HMGXB3: variants seen among roughly 807,000 people sequenced by gnomAD.
HMGXB3 encodes the protein HMG-box containing 3.
HMGXB3 carries 45 observed loss-of-function variants against 121.5 expected under a neutral mutation model. The observed-to-expected ratio is 0.37, with a 90% CI of 0.29 to 0.47. The LOEUF is 0.47. HMGXB3 is among the 20% of genes least tolerant of loss of function. The probability of loss-of-function intolerance (pLI) is 0.99; values close to 1 mark genes in which losing one functional copy is unlikely to be tolerated. For missense variants in HMGXB3, 1,376 were observed against 1,602.2 expected, an observed-to-expected ratio of 0.86 and a Z score of 2.41; for synonymous variants, 590 against 624.1, an observed-to-expected ratio of 0.95 and a Z score of 0.81.
At chr5:150,023,512 C>T (rs1176051727) in intron 6 of HMGXB3, among the ~76,000 whole-genome samples, 2 of 152,130 alleles carry the variant, frequency 1.3e-5, no homozygotes, top group African/African-American at 4.8e-5. Flanking sequence ...TGAAGACAAC[C>T]ACTATTTAAA....
intron 3 of HMGXB3, among the ~76,000 whole-genome samples, chr5:150,008,054 TTCACAC>T (rs1353379053): frequency 1.9e-5 from 2 of 108,038 alleles, no homozygotes; most frequent in African/African-American, 3.7e-5. Context: ...GAGACTCTGT[TTCACAC>T]ACACACACAC....
intron 19 of HMGXB3, among the ~76,000 whole-genome samples, 163 bp downstream of exon 19, chr5:150,050,624 G>A (rs1756868095): frequency 6.6e-6 from 1 of 152,196 alleles, no homozygotes; most frequent in African/African-American, 2.4e-5. Flanking sequence ...TGGGATTACA[G>A]GCACACACCA....
chr5:150,011,159 AC>A (rs1018438077), intron 4 of HMGXB3, among the ~76,000 whole-genome samples: 3 of 152,168 alleles, frequency 2.0e-5, no homozygotes, highest in Non-Finnish European at 4.4e-5. Context: ...CAAGACCTGT[AC>A]CCAGGTCTTC....
chr5:150,038,065 G>A (rs1033864994), intron 13 of HMGXB3, among the ~76,000 whole-genome samples: 8 of 152,156 alleles, frequency 5.3e-5, no homozygotes, highest in Non-Finnish European at 8.8e-5. Flanking sequence ...TTACACTTTT[G>A]TGATTCAGTC....
intron 4 of HMGXB3, among the ~76,000 whole-genome samples, chr5:150,011,075 G>A (rs1335165779): frequency 6.6e-6 from 1 of 152,086 alleles, no homozygotes; most frequent in Non-Finnish European, 1.5e-5. Context: ...TTATAGGCTT[G>A]TCCATCACAC....
intron 6 of HMGXB3, among the ~76,000 whole-genome samples, chr5:150,019,467 A>C (rs907477481): frequency 3.3e-5 from 5 of 152,200 alleles, no homozygotes; most frequent in African/African-American, 1.2e-4. Context: ...AGTTCCGTTT[A>C]ACATGTTGTC....
intron 7 of HMGXB3, among the ~76,000 whole-genome samples, chr5:150,026,334 C>T (rs889077217): frequency 1.3e-5 from 2 of 152,196 alleles, no homozygotes; most frequent in Non-Finnish European, 2.9e-5. Flanking sequence ...GGACTCTGTT[C>T]TCTAGGGTCT....
At chr5:150,010,074 C>T (rs1464445774) in intron 3 of HMGXB3, 37 bp from the exon 4 acceptor site, 1 of 1,532,956 alleles carries the variant, frequency 6.5e-7, no homozygotes, top group East Asian at 2.5e-5. Flanking sequence ...CCATTTATCT[C>T]TGCTTGTCTC....
rs552079525 is a variant in HMGXB3 at position 150,006,497 on chromosome 5, C to T, written c.162C>T (p.Tyr54=). 3.0e-5 allele frequency: 47 copies of T among 1,551,546 alleles called. No individual in the cohort carries two copies. The highest frequency in any genetic ancestry group is 1.7e-4 in the Middle Eastern group (1 of 6,012). ...GGTCTGCTTACCTTCTGTACTATTACGACATCTACCTGAAAGTGCAGCAGG... is the reference window on the plus strand; with the variant it reads ...GGTCTGCTTACCTTCTGTACTATTATGACATCTACCTGAAAGTGCAGCAGG... ...KPRSAYLLYY[Y]DIYLKVQQEL... is the part of the protein sequence containing the mutation. Residue 54 remains tyrosine, a synonymous_variant, in exon 3 of 20, where the codon TAC becomes TAT. Coordinates refer to ENST00000502717, the MANE Select transcript of HMGXB3 (RefSeq NM_014983.3).
intron 1 of HMGXB3, among the ~76,000 whole-genome samples, chr5:150,004,301 A>T (rs965814167): frequency 5.3e-5 from 8 of 152,358 alleles, no homozygotes; most frequent in Non-Finnish European, 8.8e-5. Flanking sequence ...AGCAGCTAAA[A>T]GACCTGACCA....
Position 150,051,728 on chromosome 5 carries a change from G to A in HMGXB3, c.3415G>A (p.Val1139Met), listed in dbSNP as rs1458474590. Residue 1139 changes from valine to methionine, a missense_variant, in exon 20 of 20, where the codon GTG (valine) becomes ATG (methionine). Coordinates refer to ENST00000502717, the MANE Select transcript of HMGXB3 (RefSeq NM_014983.3). Reference protein sequence around the residue: ...FSSPTEPPVSVSCPELLDQHY... With the variant: ...FSSPTEPPVSMSCPELLDQHY... ...TGCATTCTCATTTCTCTTCTAGAGT[G>A]TGTCCTGCCCAGAGCTCTTGGACCA... is the stretch of plus-strand genomic sequence containing the variant. The A allele has an allele frequency of 1.3e-6, 2 of 1,519,100 alleles. No individual in the cohort carries two copies. Among genetic ancestry groups the A allele is most frequent in the African/African-American group, 1.4e-5 (1 of 72,744 alleles). The allele number at this position is 1,519,100 out of a possible 1,614,324, so 94.1% of individuals were successfully genotyped here.
intron 6 of HMGXB3, among the ~76,000 whole-genome samples, chr5:150,023,593 C>T (rs565248723): frequency 1.3e-5 from 2 of 152,310 alleles, no homozygotes; most frequent in South Asian, 4.1e-4. Flanking sequence ...TGGATAAAAG[C>T]TAAGACACCA....
intron 19 of HMGXB3, 21 bp from the exon 20 acceptor site, chr5:150,051,704 G>A: frequency 6.7e-7 from 1 of 1,485,024 alleles, no homozygotes; most frequent in South Asian, 1.3e-5. Context: ...TTATCAAAAT[G>A]CATTCTCATT....
At chr5:150,040,929 G>A in intron 14 of HMGXB3, 50 bp downstream of exon 14, 4 of 1,454,768 alleles carry the variant, frequency 2.7e-6, no homozygotes, top group Non-Finnish European at 3.6e-6. Flanking sequence ...AGCTCCCTCG[G>A]AATTTTCAGT....
rs190841697 is a variant in HMGXB3, at chr5:150,007,963, G to A, written c.312+1316G>A. 6.4e-4 allele frequency among the ~76,000 whole-genome samples: 98 copies of A among 152,056 alleles called. No homozygotes were observed. In the Middle Eastern group the frequency reaches 0.021, roughly 32 times the overall value. On this transcript the variant is annotated intron_variant, in intron 3 of 19. Transcript: ENST00000502717. Reference sequence around the variant, plus strand: ...TCCCAGCCACTCAGGAAGCTGATGTGGGAGGATCACTTGAGCCGGGGAAGT... The same window carrying A: ...TCCCAGCCACTCAGGAAGCTGATGTAGGAGGATCACTTGAGCCGGGGAAGT...
At chr5:150,019,279 A>G (rs7720965) in intron 6 of HMGXB3, among the ~76,000 whole-genome samples, 7,390 of 152,242 alleles carry the variant, frequency 0.049, 616 homozygotes, top group African/African-American at 0.17. Context: ...CCCCGTCTGT[A>G]TATAGAGATG....
chr5:150,028,680 A>G (rs1475206781), intron 9 of HMGXB3, among the ~76,000 whole-genome samples: 1 of 149,010 alleles, frequency 6.7e-6, no homozygotes, highest in Non-Finnish European at 1.5e-5. Context: ...AATCCTCCCA[A>G]CTCAGCCTCC....
intron 9 of HMGXB3, among the ~76,000 whole-genome samples, chr5:150,029,612 C>T (rs1055725170): frequency 6.6e-6 from 1 of 152,062 alleles, no homozygotes; most frequent in African/African-American, 2.4e-5. Flanking sequence ...TTCCTATTTG[C>T]AAAATCCTGG....
intron 17 of HMGXB3, 110 bp downstream of exon 17, chr5:150,047,867 G>C: frequency 8.1e-7 from 1 of 1,241,790 alleles, no homozygotes; most frequent in Non-Finnish European, 1.1e-6. Flanking sequence ...TTGGACACAA[G>C]GTGCTGGCAG....
Sources: gnomAD v4.1 joint callset for allele counts (sites outside exome capture counted in the v4.1 genomes callset) on GRCh38, gnomAD v4.1.1 for gene constraint, MANE v1.5 for transcripts, NCBI Gene and HGNC (gene_info 2026-07-23, HGNC 2026-07-21) for gene names.